The following MEF2A variants were observed in gnomAD, a reference collection of about 807,000 sequenced individuals.
The protein encoded by MEF2A is myocyte-specific enhancer factor 2A.
MEF2A carries 28 observed loss-of-function variants against 55.8 expected under a neutral mutation model. That is an observed-to-expected ratio of 0.50 (90% CI 0.37 to 0.69). MEF2A has a LOEUF of 0.69. Ranked by LOEUF, MEF2A falls within the 30% of genes least tolerant of loss-of-function variation. MEF2A has a pLI of 0.00. For synonymous variants in MEF2A, 239 were observed against 227.1 expected (o/e 1.05, Z -0.47); for missense variants, 528 against 626.2 (o/e 0.84, Z 1.67).
At chr15:99,602,721 TGTGTGTGTGGGGGG>T in intron 2 of MEF2A, among the ~76,000 whole-genome samples, 1 of 35,278 alleles carries the variant, frequency 2.8e-5, no homozygotes, top group Admixed American at 3.7e-4. Flanking sequence ...GCTTTTTGTG[TGTGTGTGTGGGGGG>T]GTGGGGGTGG....
intron 2 of MEF2A, among the ~76,000 whole-genome samples, chr15:99,628,963 A>ATTT (rs71149483): frequency 7.5e-6 from 1 of 133,780 alleles, no homozygotes; most frequent in Non-Finnish European, 1.6e-5. Context: ...TTTCAGAAGG[A>ATTT]TTTTTTTTTT....
intron 4 of MEF2A, among the ~76,000 whole-genome samples, chr15:99,670,999 A>G (rs2050758974): frequency 6.6e-6 from 1 of 152,220 alleles, no homozygotes; most frequent in Non-Finnish European, 1.5e-5. Context: ...TGCATTGGTT[A>G]TATCATATAA....
At chr15:99,667,179 G>A (rs558081009) in intron 4 of MEF2A, among the ~76,000 whole-genome samples, 25 of 152,192 alleles carry the variant, frequency 1.6e-4, no homozygotes, top group Non-Finnish European at 3.4e-4. Flanking sequence ...TTTCACACTC[G>A]TAAGTGGTAA....
intron 9 of MEF2A, among the ~76,000 whole-genome samples, chr15:99,705,939 G>A (rs150666503): frequency 8.5e-4 from 129 of 152,328 alleles, no homozygotes; most frequent in African/African-American, 2.7e-3. Flanking sequence ...CCAGTTTGGC[G>A]AGAAACTGCT....
chr15:99,673,065 G>T (rs1041200255), intron 5 of MEF2A, among the ~76,000 whole-genome samples: 2 of 152,100 alleles, frequency 1.3e-5, no homozygotes, highest in African/African-American at 4.8e-5. Context: ...AGACTGGAAC[G>T]GTCCTTTTCC....
chr15:99,594,455 CTTTCTT>C (rs1596341686), intron 1 of MEF2A, among the ~76,000 whole-genome samples: 2 of 87,610 alleles, frequency 2.3e-5, no homozygotes, highest in Non-Finnish European at 5.1e-5. Flanking sequence ...CCTGTCCTTT[CTTTCTT>C]TTTTTTTTTT....
chr15:99,570,552 C>T (rs982675010), intron 1 of MEF2A, among the ~76,000 whole-genome samples: 1 of 152,136 alleles, frequency 6.6e-6, no homozygotes, highest in African/African-American at 2.4e-5. Flanking sequence ...ACTTGCGTGA[C>T]CAGCAGCATG....
intron 1 of MEF2A, among the ~76,000 whole-genome samples, chr15:99,592,849 G>T (rs1969812178): frequency 6.6e-6 from 1 of 152,096 alleles, no homozygotes; most frequent in African/African-American, 2.4e-5. Context: ...CAACATTAGG[G>T]GTTACATTTC....
chr15:99,649,512 A>G (rs2046500432), intron 4 of MEF2A, among the ~76,000 whole-genome samples: 1 of 152,208 alleles, frequency 6.6e-6, no homozygotes, highest in African/African-American at 2.4e-5. Flanking sequence ...TTAAGCATTG[A>G]TACAAAAATA....
intron 1 of MEF2A, 140 bp downstream of exon 1, chr15:99,566,244 G>C (rs1366678979): frequency 6.6e-6 from 1 of 150,946 alleles, no homozygotes; most frequent in Non-Finnish European, 1.5e-5. Context: ...GTCGCCCGGG[G>C]GGCTCCGGGG....
intron 2 of MEF2A, among the ~76,000 whole-genome samples, chr15:99,623,966 C>G (rs1372061504): frequency 6.6e-6 from 1 of 152,012 alleles, no homozygotes; most frequent in Non-Finnish European, 1.5e-5. Context: ...CACCACCAAC[C>G]CGGCTAATTT....
At chr15:99,588,787 C>G (rs1391654149) in intron 1 of MEF2A, among the ~76,000 whole-genome samples, 1 of 151,468 alleles carries the variant, frequency 6.6e-6, no homozygotes, top group Non-Finnish European at 1.5e-5. Context: ...AAATTTTTTC[C>G]TGAATGGGTG....
rs1567452318 is a variant in MEF2A at position 99,689,888 on chromosome 15, T to C, written c.671-353T>C. Among the ~76,000 whole-genome samples the C allele has an allele frequency of 3.3e-5, 5 of 152,336 alleles. No homozygotes were observed. The East Asian group carries it at 7.7e-4, about 24-fold the overall frequency. On this transcript the variant is annotated intron_variant, in intron 7 of 11. Transcript: ENST00000557942. ...GTATTTCAGACTTTGCTTGTCTTCC[T>C]TTGCTTATTTTTAAGATATCCCAAG...
chr15:99,712,393 T>G lies in MEF2A; in HGVS notation c.1140T>G (p.Ala380=). The change falls in exon 12 of 12, where the codon GCT becomes GCG. Residue 380 remains alanine, a synonymous_variant. Transcript: ENST00000557942. This position sits in a 1 kb window ranked among gnomAD's most constrained non-coding sequence, Gnocchi z 4.1. ...CTCTCTCTTTTTTTTCCTTCAGTGC[T>G]GGAGGGCAGTTATCTCAGGGTTCCA... ...LGQAALSSLV[A]GGQLSQGSNL... 3 of 1,533,584 alleles carry G rather than the reference T, an allele frequency of 2.0e-6. No homozygotes were observed. Among genetic ancestry groups the G allele is most frequent in the Non-Finnish European group, 2.6e-6 (3 of 1,133,930 alleles). The allele number at this position is 1,533,584 out of a possible 1,614,324, so 95.0% of individuals were successfully genotyped here.
intron 4 of MEF2A, among the ~76,000 whole-genome samples, chr15:99,668,704 G>C (rs894903749): frequency 1.3e-5 from 2 of 152,194 alleles, no homozygotes; most frequent in African/African-American, 4.8e-5. Flanking sequence ...TGGCTAACTT[G>C]TGTGTGAGAA....
At chr15:99,684,205 TACTG>T (rs1393805146) in intron 7 of MEF2A, among the ~76,000 whole-genome samples, 3 of 152,216 alleles carry the variant, frequency 2.0e-5, no homozygotes, top group African/African-American at 7.2e-5. Flanking sequence ...GTCTTTCATA[TACTG>T]ACTTCTTTTC....
Position 99,606,124 on chromosome 15 carries a change from G to A in MEF2A, c.-143+7613G>A, listed in dbSNP as rs571459935. On this transcript the variant is annotated intron_variant, in intron 2 of 11. Transcript: ENST00000557942. ...AGGGTTCACATGTACACGGACACTT[G>A]CTTTATGACAAAACGCACACTTTAG... Among the ~76,000 whole-genome samples, 5 of 152,274 alleles carry A rather than the reference G, an allele frequency of 3.3e-5. No individual in the cohort carries two copies. The East Asian group carries it at 7.7e-4, about 23-fold the overall frequency.
At chr15:99,580,328 T>C (rs934869669) in intron 1 of MEF2A, among the ~76,000 whole-genome samples, 1 of 152,204 alleles carries the variant, frequency 6.6e-6, no homozygotes, top group African/African-American at 2.4e-5. Flanking sequence ...CCTTTTCCTT[T>C]CTTGTTTTTT....
At chr15:99,589,120 G>T (rs1968402910) in intron 1 of MEF2A, among the ~76,000 whole-genome samples, 2 of 152,184 alleles carry the variant, frequency 1.3e-5, no homozygotes, top group Non-Finnish European at 2.9e-5. Context: ...GTTTCCTGAA[G>T]AGATTGTGTA....
Sources: gnomAD v4.1 joint callset for allele counts (sites outside exome capture counted in the v4.1 genomes callset) on GRCh38, gnomAD v4.1.1 for gene constraint, Gnocchi (gnomAD v3.1) non-coding constraint, MANE v1.5 for transcripts, NCBI Gene and HGNC (gene_info 2026-07-23, HGNC 2026-07-21) for gene names.